GSTCD: variants seen among roughly 807,000 people sequenced by gnomAD.
GSTCD encodes glutathione S-transferase C-terminal domain containing, also known as glutathione S-transferase C-terminal domain-containing protein.
A neutral mutation model predicts 68.3 loss-of-function variants in GSTCD; 44 were observed. The ratio of observed to expected loss-of-function variants is 0.64; its 90% CI spans 0.51 to 0.83. The LOEUF is 0.83. GSTCD is among the 40% of genes least tolerant of loss of function. GSTCD has a pLI of 0.00. For missense variants in GSTCD, 739 were observed against 735.9 expected (o/e 1.00, Z -0.05); for synonymous variants, 273 against 255.2 (o/e 1.07, Z -0.67).
chr4:105,785,152 T>G (rs1287729282), intron 5 of GSTCD, among the ~76,000 whole-genome samples: 2 of 152,216 alleles, frequency 1.3e-5, no homozygotes, highest in Non-Finnish European at 2.9e-5. Context: ...AGTCTTCTCA[T>G]GTTGAACAGT....
intron 5 of GSTCD, among the ~76,000 whole-genome samples, chr4:105,733,506 C>T (rs185814410): frequency 1.5e-4 from 23 of 152,274 alleles, no homozygotes; most frequent in African/African-American, 5.1e-4. Flanking sequence ...ACTAGGATTG[C>T]AAACCCTGCC....
intron 4 of GSTCD, among the ~76,000 whole-genome samples, chr4:105,728,107 T>G (rs768287545): frequency 1.1e-4 from 17 of 152,266 alleles, no homozygotes; most frequent in South Asian, 2.1e-4. Context: ...TGTCTAGATT[T>G]TGATGTGTCT....
At chr4:105,843,391 A>G (rs1724432212) in intron 11 of GSTCD, 1 of 152,126 alleles carries the variant, frequency 6.6e-6, no homozygotes, top group African/African-American at 2.4e-5. Context: ...ATTTGATGAG[A>G]CTCCACTCAC....
At chr4:105,822,902 G>A in intron 5 of GSTCD, 52 bp from the exon 6 acceptor site, 1 of 1,368,996 alleles carries the variant, frequency 7.3e-7, no homozygotes, top group Non-Finnish European at 1.0e-6. Flanking sequence ...GTGTCTTCTT[G>A]TTCCCTCAAA....
intron 8 of GSTCD, among the ~76,000 whole-genome samples, chr4:105,832,256 G>GT (rs567688553): frequency 0.012 from 1,735 of 150,390 alleles, 26 homozygotes; most frequent in African/African-American, 0.039. Context: ...ATATCCAATG[G>GT]TTTTTTTTTG....
chr4:105,717,640 A>G lies in GSTCD; in HGVS notation c.27A>G (p.Thr9=), dbSNP rs1732721578. 6.3e-7 allele frequency: 1 copy of G among 1,578,158 alleles called. No homozygotes were observed. The highest frequency in any genetic ancestry group is 8.6e-7 in the Non-Finnish European group (1 of 1,168,286). ...TGAAAGCCATAAAGAAAAGTCTTAC[A>G]GAAGAAGAATACCTGTACCTGGACT... MKAIKKSL[T]EEEYLYLDFS... Residue 9 remains threonine, a synonymous_variant, in exon 2 of 12, where the codon ACA becomes ACG. Transcript: ENST00000515279.
chr4:105,729,566 T>G (rs762063754), intron 5 of GSTCD, 67 bp downstream of exon 5: 146 of 1,014,576 alleles, frequency 1.4e-4, no homozygotes, highest in Non-Finnish European at 4.5e-5. Flanking sequence ...TGTCTTCTAA[T>G]TCTCTAAATC....
intron 8 of GSTCD, among the ~76,000 whole-genome samples, chr4:105,833,571 T>C (rs1283549298): frequency 6.6e-6 from 1 of 152,174 alleles, no homozygotes; most frequent in Non-Finnish European, 1.5e-5. Flanking sequence ...TTACAATTTA[T>C]GTTTGTTCAG....
At chr4:105,831,222 A>G (rs1011385331) in intron 8 of GSTCD, among the ~76,000 whole-genome samples, 4 of 152,210 alleles carry the variant, frequency 2.6e-5, no homozygotes, top group East Asian at 3.9e-4. Flanking sequence ...TGTCTAAGGT[A>G]TCTAGAGTTA....
chr4:105,765,337 C>G (rs1438723478), intron 5 of GSTCD, among the ~76,000 whole-genome samples: 1 of 152,166 alleles, frequency 6.6e-6, no homozygotes, highest in Non-Finnish European at 1.5e-5. Flanking sequence ...AATAACTCCC[C>G]TAGAATTTAA....
In GSTCD at chr4:105,846,368, TAATAAACA is replaced by T. The variant is rs1243724782; in HGVS notation, c.*798_*805del. 2 of 150,410 alleles carry T rather than the reference TAATAAACA, an allele frequency of 1.3e-5. No individual in the cohort carries two copies. Among genetic ancestry groups the T allele is most frequent in the Non-Finnish European group, 2.9e-5 (2 of 68,014 alleles). 9.3% of individuals were successfully genotyped at this position (150,410 alleles called of 1,614,324 possible). A position where few individuals can be genotyped will look rare whatever the true frequency, so the allele number is the denominator to read the frequency against. On this transcript the variant is annotated 3_prime_UTR_variant, in exon 12 of 12. Transcript: ENST00000515279. ...ACTCAAAATAAATCAATGAATGAAT[TAATAAACA>T]AATAAATAAATAAATAAATTTCCCA...
chr4:105,710,319 C>T (rs148858103), intron 1 of GSTCD, among the ~76,000 whole-genome samples: 82 of 137,970 alleles, frequency 5.9e-4, no homozygotes, highest in African/African-American at 2.2e-3. Context: ...CTCCCGGGCT[C>T]AAGCAATTCT....
At chr4:105,726,179 TGAC>T (rs776757785) in intron 3 of GSTCD, among the ~76,000 whole-genome samples, 13 of 152,152 alleles carry the variant, frequency 8.5e-5, no homozygotes, top group Non-Finnish European at 1.5e-4. Flanking sequence ...ATCCACACAA[TGAC>T]TACTAGTCAT....
At chr4:105,799,393 C>T (rs967186090) in intron 5 of GSTCD, among the ~76,000 whole-genome samples, 7 of 152,142 alleles carry the variant, frequency 4.6e-5, no homozygotes, top group Admixed American at 3.9e-4. Flanking sequence ...TTTCAACATG[C>T]CTTCCTCACT....
At position 105,719,340 on chromosome 4, in the gene GSTCD, G is replaced by C. The variant is rs1439653577; in HGVS notation, c.707G>C (p.Ser236Thr). The change falls in exon 3 of 12, where the codon AGT (serine) becomes ACT (threonine). Residue 236 changes from serine to threonine, a missense_variant. Ser to Thr is a moderately conservative substitution (Grantham distance 58). Coordinates refer to ENST00000515279, the MANE Select transcript of GSTCD (RefSeq NM_001370181.1). Reference protein sequence around the residue: ...TSEGLDSSSKSLELKVAFSKL... With the variant: ...TSEGLDSSSKTLELKVAFSKL... ...GAAGGGTTGGATTCTTCATCCAAGA[G>C]TCTGGAACTGAAAGTGGCATTCTCA... 1 of 1,614,032 alleles carries C rather than the reference G, an allele frequency of 6.2e-7. No homozygotes were observed. The highest frequency in any genetic ancestry group is 8.5e-7 in the Non-Finnish European group (1 of 1,180,012).
intron 8 of GSTCD, among the ~76,000 whole-genome samples, chr4:105,826,863 TTTATCAACTTAAC>T (rs1405906171): frequency 2.6e-5 from 4 of 152,174 alleles, no homozygotes; most frequent in African/African-American, 9.6e-5. Context: ...AGGTAGAACT[TTTATCAACTTAAC>T]TAATTCAGAC....
At chr4:105,724,083 C>G (rs994785635) in intron 3 of GSTCD, among the ~76,000 whole-genome samples, 1 of 151,784 alleles carries the variant, frequency 6.6e-6, no homozygotes, top group African/African-American at 2.4e-5. Flanking sequence ...CTGTCTCATG[C>G]TCTGATATTA....
intron 5 of GSTCD, among the ~76,000 whole-genome samples, chr4:105,795,147 A>G (rs1487445173): frequency 1.3e-5 from 2 of 152,084 alleles, no homozygotes; most frequent in African/African-American, 4.8e-5. Flanking sequence ...AAGAGCTGGG[A>G]TTACAGGCAT....
intron 5 of GSTCD, among the ~76,000 whole-genome samples, chr4:105,818,346 G>C (rs950918461): frequency 4.6e-5 from 7 of 151,814 alleles, no homozygotes; most frequent in African/African-American, 1.7e-4. Flanking sequence ...AATAAGGAAA[G>C]GTGATGGGAT....
Sources: allele counts gnomAD v4.1 joint callset (sites outside exome capture counted in the v4.1 genomes callset), GRCh38; gene constraint gnomAD v4.1.1; transcripts MANE v1.5; gene names NCBI Gene and HGNC (gene_info 2026-07-23, HGNC 2026-07-21).